The following AHI1 variants were observed in gnomAD, a reference collection of about 807,000 sequenced individuals.
AHI1 encodes the protein Abelson helper integration site 1.
In AHI1, 123 loss-of-function variants were observed where a neutral mutation model predicts 149.3. That is an observed-to-expected ratio of 0.82 (90% CI 0.71 to 0.96). The LOEUF is 0.96. AHI1 is among the 40% of genes least tolerant of loss of function. AHI1 has a pLI of 0.00. For synonymous variants in AHI1, 475 were observed against 459.8 expected, an observed-to-expected ratio of 1.03 and a Z score of -0.42; for missense variants, 1,439 against 1,422.7, an observed-to-expected ratio of 1.01 and a Z score of -0.18.
rs1044595468 is a variant in AHI1 at position 135,302,818 on chromosome 6, C to T, written c.3427-2260G>A. The T allele has an allele frequency of 2.0e-5, 26 of 1,288,562 alleles. No homozygotes were observed. In the Admixed American group the frequency reaches 2.3e-4, roughly 11 times the overall value. The allele number at this position is 1,288,562 out of a possible 1,614,324, so 79.8% of individuals were successfully genotyped here. On this transcript the variant is annotated intron_variant, in intron 26 of 28. Coordinates refer to ENST00000265602, the MANE Select transcript of AHI1 (RefSeq NM_001134831.2). Reference sequence around the variant, plus strand: ...TGTGAGCTGTTTTGTTTTATTTTACCTTTAAACGAAAAAGCCCCCAAGGCT... The same window carrying T: ...TGTGAGCTGTTTTGTTTTATTTTACTTTTAAACGAAAAAGCCCCCAAGGCT...
chr6:135,467,610 GAAGATTGCTTCTA>G lies in AHI1; in HGVS notation c.147_159del (p.Arg50ThrfsTer3), dbSNP rs1259934197. ...TCACTTGTAGTTTCTTTCATATAGT[GAAGATTGCTTCTA>G]ATAGTGTCAGGCTAAAAAGGAAGAC... On this transcript the variant is annotated frameshift_variant, in exon 6 of 29. Coordinates refer to ENST00000265602, the MANE Select transcript of AHI1 (RefSeq NM_001134831.2). LOFTEE classifies it high-confidence loss of function. The G allele has an allele frequency of 1.2e-6, 2 of 1,608,972 alleles. No individual in the cohort carries two copies. The highest frequency in any genetic ancestry group is 1.3e-5 in the African/African-American group (1 of 74,798).
intron 20 of AHI1, among the ~76,000 whole-genome samples, chr6:135,425,497 A>G (rs757653922): frequency 1.4e-4 from 22 of 151,896 alleles, no homozygotes; most frequent in Non-Finnish European, 2.7e-4. Flanking sequence ...TTGGATGGGC[A>G]TAACAACCCA....
intron 24 of AHI1, among the ~76,000 whole-genome samples, chr6:135,343,035 C>T (rs1412820124): frequency 1.3e-5 from 2 of 151,302 alleles, no homozygotes; most frequent in East Asian, 1.9e-4. Flanking sequence ...ACTGATCCCC[C>T]CAACAAAATC....
chr6:135,313,450 A>G (rs182683936), intron 26 of AHI1, among the ~76,000 whole-genome samples: 25 of 152,248 alleles, frequency 1.6e-4, no homozygotes, highest in Non-Finnish European at 3.1e-4. Flanking sequence ...ACTCCTTTAC[A>G]TGACTCTAAA....
At chr6:135,326,889 C>A (rs186586146) in intron 24 of AHI1, among the ~76,000 whole-genome samples, 16 of 152,192 alleles carry the variant, frequency 1.1e-4, no homozygotes, top group African/African-American at 3.6e-4. Flanking sequence ...TTCTTCATCC[C>A]TCTCCCACCC....
intron 21 of AHI1, among the ~76,000 whole-genome samples, chr6:135,410,456 A>C: frequency 6.6e-6 from 1 of 152,222 alleles, no homozygotes; most frequent in East Asian, 1.9e-4. Context: ...CCAGTCAAAA[A>C]GCTGGCACAG....
intron 22 of AHI1, among the ~76,000 whole-genome samples, chr6:135,395,759 A>G (rs1413830592): frequency 6.6e-6 from 1 of 151,878 alleles, no homozygotes; most frequent in Non-Finnish European, 1.5e-5. Flanking sequence ...GGAGAAATTG[A>G]CAGTCTGATT....
chr6:135,387,305 A>G (rs1279237246), intron 23 of AHI1, among the ~76,000 whole-genome samples: 1 of 152,218 alleles, frequency 6.6e-6, no homozygotes, highest in Non-Finnish European at 1.5e-5. Context: ...TCTAAGAGAA[A>G]CAGAGGCTAG....
chr6:135,328,995 C>A (rs1158040602), intron 24 of AHI1, among the ~76,000 whole-genome samples: 1 of 152,168 alleles, frequency 6.6e-6, no homozygotes, highest in African/African-American at 2.4e-5. Context: ...TAACTCTCTT[C>A]AATTCTATGA....
At chr6:135,324,705 G>T (rs769309758) in intron 24 of AHI1, among the ~76,000 whole-genome samples, 3 of 152,086 alleles carry the variant, frequency 2.0e-5, no homozygotes, top group Non-Finnish European at 4.4e-5. Flanking sequence ...GGCTCATGGA[G>T]TAAGCAGGGC....
chr6:135,375,332 AAACAC>A (rs1214194537), intron 23 of AHI1, among the ~76,000 whole-genome samples: 1 of 152,234 alleles, frequency 6.6e-6, no homozygotes, highest in Non-Finnish European at 1.5e-5. Context: ...CACTGGAAAT[AAACAC>A]TACTCAATAT....
rs549032651 is a variant in AHI1 at position 135,443,560 on chromosome 6, G to T, written c.1780-846C>A. On this transcript the variant is annotated intron_variant, in intron 13 of 28. Coordinates refer to ENST00000265602, the MANE Select transcript of AHI1 (RefSeq NM_001134831.2). ...GAGTAACCATTATTAGCTCTATATGGCTAAGAGGGATTATTCAAAGGGTCA... is the reference window on the plus strand; with the variant it reads ...GAGTAACCATTATTAGCTCTATATGTCTAAGAGGGATTATTCAAAGGGTCA... 7.9e-5 allele frequency among the ~76,000 whole-genome samples: 12 copies of T among 152,192 alleles called. No homozygotes were observed. In the South Asian group the frequency reaches 2.3e-3, roughly 29 times the overall value.
intron 14 of AHI1, among the ~76,000 whole-genome samples, chr6:135,441,622 T>C (rs1786314806): frequency 6.6e-6 from 1 of 152,066 alleles, no homozygotes; most frequent in Admixed American, 6.6e-5. Context: ...TAAAGTAACA[T>C]ATTTATCACA....
At chr6:135,480,963 C>T (rs568871560) in intron 5 of AHI1, among the ~76,000 whole-genome samples, 1 of 152,292 alleles carries the variant, frequency 6.6e-6, no homozygotes, top group South Asian at 2.1e-4. Context: ...GGAACACTTT[C>T]ATCCTGAAAC....
intron 26 of AHI1, among the ~76,000 whole-genome samples, chr6:135,309,821 G>C (rs1257447422): frequency 6.6e-6 from 1 of 152,016 alleles, no homozygotes; most frequent in Non-Finnish European, 1.5e-5. Flanking sequence ...AAGGCTTCAG[G>C]TCAGTTTCAT....
intron 15 of AHI1, among the ~76,000 whole-genome samples, chr6:135,436,070 C>T (rs184065800): frequency 1.9e-3 from 294 of 152,116 alleles, no homozygotes; most frequent in Non-Finnish European, 3.3e-3. Context: ...CAAATGGAAA[C>T]GTGTAATAGG....
At chr6:135,301,660 A>G in intron 26 of AHI1, 1 of 985,472 alleles carries the variant, frequency 1.0e-6, no homozygotes, top group Non-Finnish European at 1.2e-6. Flanking sequence ...AAAAACAAGA[A>G]TTAAAGAGCA....
chr6:135,491,227 C>G (rs1303971954), intron 4 of AHI1, among the ~76,000 whole-genome samples: 2 of 152,174 alleles, frequency 1.3e-5, no homozygotes, highest in Admixed American at 6.5e-5. Context: ...GCTTAAGCCC[C>G]TGAAAATTTC....
At chr6:135,304,550 T>C (rs1784310861) in intron 26 of AHI1, among the ~76,000 whole-genome samples, 2 of 152,094 alleles carry the variant, frequency 1.3e-5, no homozygotes, top group African/African-American at 4.8e-5. Context: ...GGCAGGCAGA[T>C]CACAAGGTCA....
Sources: allele counts gnomAD v4.1 joint callset (sites outside exome capture counted in the v4.1 genomes callset), GRCh38; gene constraint gnomAD v4.1.1; transcripts MANE v1.5; gene names NCBI Gene and HGNC (gene_info 2026-07-23, HGNC 2026-07-21).